Variants in ALMS1 observed in about 807,000 individuals in gnomAD.
The protein encoded by ALMS1 is centrosome-associated protein ALMS1.
In ALMS1, 271 loss-of-function variants were observed where a neutral mutation model predicts 352.2. The observed-to-expected ratio is 0.77, with a 90% CI of 0.70 to 0.85. ALMS1 has a LOEUF of 0.85. Ranked by LOEUF, ALMS1 falls within the 40% of genes least tolerant of loss-of-function variation. The probability of loss-of-function intolerance (pLI) is 0.00; values close to 1 mark genes in which losing one functional copy is unlikely to be tolerated. For synonymous variants in ALMS1, 1,865 were observed against 1,761.2 expected, an observed-to-expected ratio of 1.06 and a Z score of -1.48; for missense variants, 5,445 against 4,870.7, an observed-to-expected ratio of 1.12 and a Z score of -3.51.
chr2:73,477,711 TATTTA>T (rs1408251781), intron 9 of ALMS1, among the ~76,000 whole-genome samples: 5 of 152,204 alleles, frequency 3.3e-5, no homozygotes, highest in East Asian at 1.9e-4. Flanking sequence ...TATTCTCAAG[TATTTA>T]ATTCTTTTTC....
At chr2:73,473,399 C>T (rs139345170) in intron 9 of ALMS1, among the ~76,000 whole-genome samples, 19 of 151,976 alleles carry the variant, frequency 1.3e-4, no homozygotes, top group Admixed American at 3.3e-4. Flanking sequence ...GAAATAGTCA[C>T]TAAACAACAC....
chr2:73,448,166 C>G lies in ALMS1; in HGVS notation c.1639C>G (p.Leu547Val), dbSNP rs1451493287. 7 of 1,614,048 alleles carry G rather than the reference C, an allele frequency of 4.3e-6. No individual in the cohort carries two copies. The highest frequency in any genetic ancestry group is 5.1e-6 in the Non-Finnish European group (6 of 1,179,936). ...LNQKTLADTH[L>V]TEETLKVTAI... ...CCAAAAGACATTAGCAGATACTCATCTAACTGAAGAGACTCTGAAAGTCAC... is the reference window on the plus strand; with the variant it reads ...CCAAAAGACATTAGCAGATACTCATGTAACTGAAGAGACTCTGAAAGTCAC... Residue 547 changes from leucine (L) to valine (V), a missense_variant, in exon 8 of 23, where the codon CTA (leucine) becomes GTA (valine). Coordinates refer to ENST00000613296, the MANE Select transcript of ALMS1 (RefSeq NM_001378454.1).
At position 73,449,374 on chromosome 2, in the gene ALMS1, AGT is replaced by A; in HGVS notation, c.2850_2851del (p.Ser951LeufsTer2). The A allele has an allele frequency of 6.2e-7, 1 of 1,614,010 alleles. No homozygotes were observed. Among genetic ancestry groups the A allele is most frequent in the African/African-American group, 1.3e-5 (1 of 75,004 alleles). Reference protein sequence around the residue: ...LAAQKTGTPTVSSNSHSHSEK... With the variant: ...LAAQKTGTPTXSSNSHSHSEK... ...CTGCCCAGAAGACTGGGACACCAAC[AGT>A]GTCCTCTAATTCTCACTCACATAGC... On this transcript the variant is annotated frameshift_variant, in exon 8 of 23. Transcript: ENST00000613296. LOFTEE classifies it high-confidence loss of function.
intron 9 of ALMS1, among the ~76,000 whole-genome samples, chr2:73,478,237 G>A (rs1217697408): frequency 6.6e-6 from 1 of 152,140 alleles, no homozygotes; most frequent in Non-Finnish European, 1.5e-5. Context: ...CTAATGACAT[G>A]TGGTTGGTTT....
intron 12 of ALMS1, among the ~76,000 whole-genome samples, chr2:73,546,611 G>A (rs1017889744): frequency 6.6e-6 from 1 of 152,176 alleles, no homozygotes; most frequent in Non-Finnish European, 1.5e-5. Context: ...AGATAAACAA[G>A]TAGACCCAGT....
At chr2:73,554,970 T>C (rs193131950) in intron 13 of ALMS1, among the ~76,000 whole-genome samples, 2 of 152,334 alleles carry the variant, frequency 1.3e-5, no homozygotes, top group East Asian at 3.9e-4. Context: ...AAAGGGCATG[T>C]AAAACTATTT....
intron 10 of ALMS1, among the ~76,000 whole-genome samples, chr2:73,518,067 A>G (rs552279297): frequency 1.3e-5 from 2 of 151,368 alleles, no homozygotes; most frequent in East Asian, 3.9e-4. Context: ...TCACCCAGGT[A>G]CTAAGCGTGG....
At position 73,608,199 on chromosome 2, in the gene ALMS1, CATTT is replaced by C. The variant is rs151147209; in HGVS notation, c.12363-273_12363-270del. On this transcript the variant is annotated intron_variant, in intron 21 of 22. Coordinates refer to ENST00000613296, the MANE Select transcript of ALMS1 (RefSeq NM_001378454.1). ...AGAAAGTAGAAGTTCAGCTCTCCTTCATTTATCTCACTCCTTTCCCCCCTTTATC... is the reference window on the plus strand; with the variant it reads ...AGAAAGTAGAAGTTCAGCTCTCCTTCATCTCACTCCTTTCCCCCCTTTATC... Among the ~76,000 whole-genome samples, 495 of 152,334 alleles carry C rather than the reference CATTT, an allele frequency of 3.2e-3. 19 individuals are homozygous for C. The East Asian group carries it at 0.078, about 24-fold the overall frequency.
chr2:73,494,779 GC>G (rs1673068779), intron 10 of ALMS1, among the ~76,000 whole-genome samples: 1 of 152,202 alleles, frequency 6.6e-6, no homozygotes, highest in Non-Finnish European at 1.5e-5. Flanking sequence ...AGTGGTATCT[GC>G]TAGGATTCTC....
At chr2:73,440,644 T>G (rs1671701662) in intron 7 of ALMS1, among the ~76,000 whole-genome samples, 1 of 151,592 alleles carries the variant, frequency 6.6e-6, no homozygotes. Context: ...AGGCTGGTCT[T>G]GAACTCCTGA....
Position 73,568,995 on chromosome 2 carries a change from C to CTTTTTTTTTTTTTTTTTTTTTTTT in ALMS1, c.10385-3253_10385-3230dup, listed in dbSNP as rs747436819. Among the ~76,000 whole-genome samples the CTTTTTTTTTTTTTTTTTTTTTTTT allele has an allele frequency of 1.7e-4, 9 of 53,556 alleles. 4 individuals carry two copies. Among genetic ancestry groups the CTTTTTTTTTTTTTTTTTTTTTTTT allele is most frequent in the Non-Finnish European group, 2.4e-4 (7 of 29,534 alleles). 35.1% of individuals were successfully genotyped at this position (53,556 alleles called of 152,430 possible). A position where few individuals can be genotyped will look rare whatever the true frequency, so the allele number is the denominator to read the frequency against. On this transcript the variant is annotated intron_variant, in intron 15 of 22. Transcript: ENST00000613296. ...AGCTTGCTTGCTGCTGCTTCTGCTT[C>CTTTTTTTTTTTTTTTTTTTTTTTT]TTTTTTTTTTTTTTTTTTTTTTTTT...
chr2:73,603,878 G>C (rs891213255), intron 21 of ALMS1: 1 of 153,408 alleles, frequency 6.5e-6, no homozygotes, highest in Admixed American at 6.5e-5. Flanking sequence ...TAAAAAAAAA[G>C]ATTATTTTGA....
chr2:73,435,771 T>G (rs1329841532), intron 7 of ALMS1, among the ~76,000 whole-genome samples: 1 of 152,012 alleles, frequency 6.6e-6, no homozygotes, highest in Non-Finnish European at 1.5e-5. Context: ...TTTCAAAAAA[T>G]TTTTTTGGTA....
At chr2:73,387,648 T>TA (rs1417563616) in intron 1 of ALMS1, among the ~76,000 whole-genome samples, 1 of 152,192 alleles carries the variant, frequency 6.6e-6, no homozygotes, top group Non-Finnish European at 1.5e-5. Flanking sequence ...TTAGGGGCTT[T>TA]ATCTCTGGAG....
intron 7 of ALMS1, among the ~76,000 whole-genome samples, chr2:73,436,099 T>C (rs1671600049): frequency 6.6e-6 from 1 of 152,240 alleles, no homozygotes; most frequent in Admixed American, 6.5e-5. Flanking sequence ...GTTCCCTGTT[T>C]TATGTATCTG....
intron 16 of ALMS1, among the ~76,000 whole-genome samples, chr2:73,593,173 A>G (rs1039374627): frequency 6.6e-6 from 1 of 151,306 alleles, no homozygotes; most frequent in Non-Finnish European, 1.5e-5. Context: ...TACTGACCGC[A>G]TATATAAATG....
chr2:73,509,930 C>G (rs1170510424), intron 10 of ALMS1, among the ~76,000 whole-genome samples: 3 of 151,366 alleles, frequency 2.0e-5, no homozygotes, highest in African/African-American at 7.3e-5. Context: ...TCACATAGTC[C>G]CATATTTCTT....
At position 73,424,352 on chromosome 2, in the gene ALMS1, T is replaced by C. The variant is rs996170348; in HGVS notation, c.765-78T>C. ...AAATAAACTTGATTTCAGTGACATA[T>C]GTATTTTTGTGTTAGTACTTAAAAA... On this transcript the variant is annotated intron_variant, in intron 4 of 22. Transcript: ENST00000613296. The C allele has an allele frequency of 1.0e-5, 9 of 894,954 alleles. No homozygotes were observed. The African/African-American group carries it at 1.4e-4, about 14-fold the overall frequency. The allele number at this position is 894,954 out of a possible 1,614,324, so 55.4% of individuals were successfully genotyped here.
chr2:73,481,379 A>G (rs1360811818), intron 9 of ALMS1, among the ~76,000 whole-genome samples: 1 of 152,114 alleles, frequency 6.6e-6, no homozygotes, highest in African/African-American at 2.4e-5. Context: ...CAAAGATCAG[A>G]TAGTTGTAGA....
Sources: gnomAD v4.1 joint callset for allele counts (sites outside exome capture counted in the v4.1 genomes callset) on GRCh38, gnomAD v4.1.1 for gene constraint, MANE v1.5 for transcripts, NCBI Gene and HGNC (gene_info 2026-07-23, HGNC 2026-07-21) for gene names.